SEC23A: variants seen among roughly 807,000 people sequenced by gnomAD.
SEC23A encodes the protein SEC23 homolog A, COPII component, also known as protein transport protein Sec23A.
A neutral mutation model predicts 103.7 loss-of-function variants in SEC23A; 56 were observed. The observed-to-expected ratio is 0.54, with a 90% CI of 0.44 to 0.67. The LOEUF (loss-of-function observed/expected upper bound fraction) is 0.67. Ranked by LOEUF, SEC23A falls within the 30% of genes least tolerant of loss-of-function variation. SEC23A has a pLI of 0.00. For synonymous variants in SEC23A, 281 were observed against 293.0 expected (o/e 0.96, Z 0.42); for missense variants, 784 against 936.4 (o/e 0.84, Z 2.12).
rs561944537 is a variant in SEC23A at position 39,090,462 on chromosome 14, C to G, written c.603+1015G>C. The stretch of plus-strand genomic sequence containing the variant: ...TGATCCTAGTATGCTACACATAACT[C>G]CTTTGCCTTGGAAGAGAAAGCTTCA... On this transcript the variant is annotated intron_variant, in intron 5 of 19. Transcript: ENST00000307712. Among the ~76,000 whole-genome samples the G allele has an allele frequency of 1.4e-4, 21 of 152,156 alleles. 1 individual carries two copies. The South Asian group carries it at 4.4e-3, about 32-fold the overall frequency.
intron 15 of SEC23A, chr14:39,047,449 G>A (rs1453086748): frequency 3.2e-6 from 4 of 1,267,924 alleles, no homozygotes; most frequent in Non-Finnish European, 4.1e-6. Flanking sequence ...CTGTAAGCAT[G>A]GAGTTTCTGG....
In SEC23A at chr14:39,032,230, T is replaced by C. The variant is rs1464098264; in HGVS notation, c.*1009A>G. The C allele has an allele frequency of 6.6e-6, 1 of 152,560 alleles. No homozygotes were observed. Among genetic ancestry groups the C allele is most frequent in the African/African-American group, 2.4e-5 (1 of 41,432 alleles). The allele number at this position is 152,560 out of a possible 1,614,324, so 9.5% of individuals were successfully genotyped here. A position where few individuals can be genotyped will look rare whatever the true frequency, so the allele number is the denominator to read the frequency against. ...CTTTAAAGGTAAAAGTGAATACTAA[T>C]GAATAAATCAAAATAGAACTGAGCA... On this transcript the variant is annotated 3_prime_UTR_variant, in exon 20 of 20. Transcript: ENST00000307712.
intron 5 of SEC23A, chr14:39,088,070 GT>G (rs1566509965): frequency 6.6e-6 from 1 of 152,114 alleles, no homozygotes; most frequent in African/African-American, 2.4e-5. Context: ...AAAATAGGTA[GT>G]TTATTCCTTT....
At chr14:39,083,857 G>A (rs543920368) in intron 7 of SEC23A, among the ~76,000 whole-genome samples, 5 of 151,046 alleles carry the variant, frequency 3.3e-5, no homozygotes, top group African/African-American at 4.9e-5. Flanking sequence ...GAGCCAACAC[G>A]CCAAGCCCAA....
intron 13 of SEC23A, among the ~76,000 whole-genome samples, chr14:39,056,117 C>T (rs928877235): frequency 1.2e-4 from 18 of 152,346 alleles, no homozygotes; most frequent in African/African-American, 4.1e-4. Context: ...CATGAGCTTT[C>T]GTGCCACTAC....
At chr14:39,071,321 G>A (rs1017536014) in intron 9 of SEC23A, among the ~76,000 whole-genome samples, 6 of 152,174 alleles carry the variant, frequency 3.9e-5, no homozygotes, top group Non-Finnish European at 5.9e-5. Flanking sequence ...ATTGTTGGAC[G>A]GGCACAGTGG....
intron 14 of SEC23A, among the ~76,000 whole-genome samples, chr14:39,049,971 T>C (rs1885999532): frequency 6.6e-6 from 1 of 151,944 alleles, no homozygotes; most frequent in Non-Finnish European, 1.5e-5. Context: ...GGTTTCACTG[T>C]GTTAGCCAGG....
chr14:39,034,946 C>A (rs1377945698), intron 19 of SEC23A, among the ~76,000 whole-genome samples: 1 of 152,026 alleles, frequency 6.6e-6, no homozygotes, highest in African/African-American at 2.4e-5. Context: ...TTCTGACCCC[C>A]AAAAAATCCT....
At chr14:39,094,927 C>A (rs1264661000) in intron 2 of SEC23A, 2 of 680,044 alleles carry the variant, frequency 2.9e-6, no homozygotes, top group South Asian at 1.6e-5. Flanking sequence ...GTTTGTATTT[C>A]TCATTCCAAG....
At chr14:39,058,256 A>G (rs1422105261) in intron 13 of SEC23A, among the ~76,000 whole-genome samples, 1 of 151,874 alleles carries the variant, frequency 6.6e-6, no homozygotes, top group Non-Finnish European at 1.5e-5. Context: ...AGGCAGCAGC[A>G]TGTTTAAAAT....
intron 13 of SEC23A, among the ~76,000 whole-genome samples, chr14:39,057,428 G>C (rs1258145867): frequency 1.3e-5 from 2 of 152,112 alleles, no homozygotes; most frequent in Admixed American, 6.5e-5. Flanking sequence ...CATGGTTCAA[G>C]TGGCACAATC....
chr14:39,091,830 G>T, intron 4 of SEC23A, 117 bp from the exon 5 acceptor site: 1 of 736,314 alleles, frequency 1.4e-6, no homozygotes, highest in Middle Eastern at 2.6e-4. Flanking sequence ...AGCCATTTCA[G>T]AAATGAAACA....
At chr14:39,056,476 C>CTTT (rs532329340) in intron 13 of SEC23A, among the ~76,000 whole-genome samples, 1 of 142,948 alleles carries the variant, frequency 7.0e-6, no homozygotes, top group Admixed American at 7.0e-5. Context: ...GACAAATTAG[C>CTTT]TTTTTTTTTT....
At chr14:39,087,310 C>T (rs564891849) in intron 5 of SEC23A, among the ~76,000 whole-genome samples, 28 of 152,222 alleles carry the variant, frequency 1.8e-4, no homozygotes, top group African/African-American at 6.3e-4. Context: ...CTTAAATGTC[C>T]ATACTTCTTA....
intron 9 of SEC23A, 94 bp from the exon 10 acceptor site, chr14:39,067,390 A>G (rs949696071): frequency 2.2e-5 from 30 of 1,374,836 alleles, no homozygotes; most frequent in Middle Eastern, 2.5e-4. Context: ...AAAACTACCA[A>G]TAAATTTTAA....
intron 7 of SEC23A, among the ~76,000 whole-genome samples, chr14:39,085,085 C>T (rs967794997): frequency 2.0e-5 from 3 of 152,196 alleles, no homozygotes; most frequent in Non-Finnish European, 4.4e-5. Context: ...ACCCCAACCT[C>T]CAGAAGGAGA....
rs1887009322 is a variant in SEC23A at position 39,076,147 on chromosome 14, GATA to G, written c.829-57_829-55del. 7.7e-6 allele frequency: 10 copies of G among 1,297,078 alleles called. No individual in the cohort carries two copies. In the East Asian group the frequency reaches 1.0e-4, roughly 13 times the overall value. 80.3% of individuals were successfully genotyped at this position (1,297,078 alleles called of 1,614,324 possible). A position where few individuals can be genotyped will look rare whatever the true frequency, so the allele number is the denominator to read the frequency against. ...AGAAAACATATGAATATACATTTCT[GATA>G]ATAATTTTTTATATATTCCTTCTAA... On this transcript the variant is annotated intron_variant, in intron 7 of 19. Transcript: ENST00000307712.
At position 39,074,471 on chromosome 14, in the gene SEC23A, C is replaced by A. The variant is rs143126019; in HGVS notation, c.1047G>T (p.Ala349=). Residue 349 remains alanine (A), a synonymous_variant, in exon 9 of 20, where the codon GCG becomes GCT. Coordinates refer to ENST00000307712, the MANE Select transcript of SEC23A (RefSeq NM_006364.4). ...ATTGHVIDIY[A]CALDQTGLLE... ...GGAGACCTGTCTGATCTAATGCACA[C>A]GCATAGATATCAATAACATGGCCAG... is the stretch of plus-strand genomic sequence containing the variant. 6.2e-7 allele frequency: 1 copy of A among 1,613,446 alleles called. No homozygotes were observed. Among genetic ancestry groups the A allele is most frequent in the Non-Finnish European group, 8.5e-7 (1 of 1,179,738 alleles).
chr14:39,086,130 G>A (rs557454231), intron 6 of SEC23A, among the ~76,000 whole-genome samples: 22 of 152,204 alleles, frequency 1.4e-4, no homozygotes, highest in South Asian at 4.2e-4. Context: ...GAGTGGAGCC[G>A]AAGAATTTGC....
Sources: allele counts gnomAD v4.1 joint callset (sites outside exome capture counted in the v4.1 genomes callset), GRCh38; gene constraint gnomAD v4.1.1; transcripts MANE v1.5; gene names NCBI Gene and HGNC (gene_info 2026-07-23, HGNC 2026-07-21).